The following WDR48 variants were observed in gnomAD, a reference collection of about 807,000 sequenced individuals.
WDR48 encodes the protein WD repeat domain 48, also known as WD repeat-containing protein 48.
WDR48 carries 22 observed loss-of-function variants against 94.0 expected under a neutral mutation model. The observed-to-expected ratio is 0.23, with a 90% CI of 0.17 to 0.33. The LOEUF is 0.33. Among genes scored for constraint, WDR48 ranks in the 10% least tolerant of loss-of-function variants. The pLI is 1.00. For missense variants in WDR48, 541 were observed against 813.8 expected, an observed-to-expected ratio of 0.66 and a Z score of 4.08; for synonymous variants, 278 against 280.5, an observed-to-expected ratio of 0.99 and a Z score of 0.09.
At chr3:39,076,875 A>G (rs977995607) in intron 8 of WDR48, among the ~76,000 whole-genome samples, 2 of 152,246 alleles carry the variant, frequency 1.3e-5, no homozygotes, top group Non-Finnish European at 2.9e-5. Context: ...TATCCATTCA[A>G]GTACCTCAAA....
At chr3:39,085,015 CAG>C (rs1334126311) in intron 13 of WDR48, among the ~76,000 whole-genome samples, 1 of 152,138 alleles carries the variant, frequency 6.6e-6, no homozygotes, top group African/African-American at 2.4e-5. Flanking sequence ...ATCACGAGGT[CAG>C]GGGATCGAGA....
intron 1 of WDR48, among the ~76,000 whole-genome samples, chr3:39,056,146 T>G (rs886226862): frequency 1.3e-5 from 2 of 152,248 alleles, no homozygotes; most frequent in African/African-American, 4.8e-5. Flanking sequence ...CCACATAGAA[T>G]GGATGTACCA....
At chr3:39,088,999 G>A (rs2034953833) in intron 15 of WDR48, among the ~76,000 whole-genome samples, 1 of 152,184 alleles carries the variant, frequency 6.6e-6, no homozygotes, top group Non-Finnish European at 1.5e-5. Flanking sequence ...AGGACTCCAA[G>A]AAGCAGCTGT....
chr3:39,074,659 C>A, intron 7 of WDR48, 67 bp from the exon 8 acceptor site: 1 of 1,524,000 alleles, frequency 6.6e-7, no homozygotes, highest in Non-Finnish European at 9.0e-7. Flanking sequence ...CGGGAGAAGT[C>A]AAGTGCAAAG....
intron 1 of WDR48, among the ~76,000 whole-genome samples, chr3:39,059,646 T>A (rs763247399): frequency 6.6e-6 from 1 of 151,976 alleles, no homozygotes; most frequent in East Asian, 1.9e-4. Context: ...CAGTTACAGT[T>A]AATTGCATCC....
rs1427631836 is a variant in WDR48 at position 39,096,637 on chromosome 3, G to C, written c.*1894G>C. 1 of 152,150 alleles carries C rather than the reference G, an allele frequency of 6.6e-6. No homozygotes were observed. The highest frequency in any genetic ancestry group is 1.5e-5 in the Non-Finnish European group (1 of 68,032). 9.4% of individuals were successfully genotyped at this position (152,150 alleles called of 1,614,324 possible). The stretch of plus-strand genomic sequence containing the variant: ...GGGTAAAAATCTGTATTTCACAGTT[G>C]TATAGAATAAAGGCTTTAGTTAAAA... On this transcript the variant is annotated 3_prime_UTR_variant, in exon 19 of 19. Coordinates refer to ENST00000302313, the MANE Select transcript of WDR48 (RefSeq NM_020839.4).
chr3:39,077,719 A>T (rs542385385), intron 9 of WDR48, among the ~76,000 whole-genome samples: 1 of 152,360 alleles, frequency 6.6e-6, no homozygotes, highest in African/African-American at 2.4e-5. Flanking sequence ...ATCTTAATTT[A>T]AAAAGACTTA....
intron 1 of WDR48, among the ~76,000 whole-genome samples, chr3:39,058,865 A>G (rs896829412): frequency 6.6e-6 from 1 of 151,496 alleles, no homozygotes; most frequent in African/African-American, 2.4e-5. Flanking sequence ...TCAGAAGGTC[A>G]GGAGTTTAAG....
In WDR48 at chr3:39,079,730, G is replaced by A. The variant is rs1435838653; in HGVS notation, c.1095G>A (p.Gln365=). The A allele has an allele frequency of 1.3e-6, 2 of 1,555,026 alleles. No individual in the cohort carries two copies. Among genetic ancestry groups the A allele is most frequent in the South Asian group, 1.2e-5 (1 of 80,328 alleles). Residue 365 remains glutamine (Q), a synonymous_variant, in exon 11 of 19, where the codon CAG becomes CAA. Coordinates refer to ENST00000302313, the MANE Select transcript of WDR48 (RefSeq NM_020839.4). ...QVIKGGASII[Q]CHILNDKRHI... ...CATTAGGGGGTGCTAGTATTATTCA[G>A]TGCCACATTCTTAATGATAAGAGAC...
intron 12 of WDR48, 85 bp from the exon 13 acceptor site, chr3:39,084,560 C>A: frequency 8.1e-7 from 1 of 1,233,630 alleles, no homozygotes; most frequent in Non-Finnish European, 1.1e-6. Context: ...GCACTTTAGT[C>A]AAATAGTACA....
rs750428041 is a variant in WDR48, at chr3:39,084,122, A to G, written c.1174-33A>G. ...CAGAATCAAGTGAATTCACCACTTA[A>G]TATTGATCATTATACTTTCTTTTGA... On this transcript the variant is annotated intron_variant, in intron 11 of 18. Coordinates refer to ENST00000302313, the MANE Select transcript of WDR48 (RefSeq NM_020839.4). The G allele has an allele frequency of 9.9e-5, 120 of 1,216,910 alleles. 1 individual carries two copies. The highest frequency in any genetic ancestry group is 1.2e-4 in the Non-Finnish European group (109 of 898,150). The allele number at this position is 1,216,910 out of a possible 1,614,324, so 75.4% of individuals were successfully genotyped here. A position where few individuals can be genotyped will look rare whatever the true frequency, so the allele number is the denominator to read the frequency against.
intron 5 of WDR48, 45 bp from the exon 6 acceptor site, chr3:39,068,726 C>G: frequency 6.9e-7 from 1 of 1,459,360 alleles, no homozygotes; most frequent in Non-Finnish European, 9.5e-7. Context: ...AGTTACTAAA[C>G]AGCTGATGAT....
At chr3:39,071,328 C>T (rs2033924455) in intron 7 of WDR48, among the ~76,000 whole-genome samples, 1 of 152,220 alleles carries the variant, frequency 6.6e-6, no homozygotes, top group African/African-American at 2.4e-5. Context: ...CTCATTTTCA[C>T]ATGACTGTAA....
intron 7 of WDR48, among the ~76,000 whole-genome samples, chr3:39,072,495 TTG>T (rs1221687405): frequency 6.6e-6 from 1 of 152,134 alleles, no homozygotes; most frequent in Non-Finnish European, 1.5e-5. Context: ...GCACTTGAGA[TTG>T]TGTGTTAGTG....
chr3:39,059,002 G>T (rs1487989690), intron 1 of WDR48, among the ~76,000 whole-genome samples: 3 of 150,098 alleles, frequency 2.0e-5, no homozygotes, highest in Non-Finnish European at 4.4e-5. Context: ...TTGAACCTGG[G>T]CAGCAGAGGT....
intron 4 of WDR48, 41 bp downstream of exon 4, chr3:39,066,671 G>T (rs1559604256): frequency 6.2e-7 from 1 of 1,612,748 alleles, no homozygotes; most frequent in African/African-American, 1.3e-5. Flanking sequence ...TGTAATATTG[G>T]GATCTCAGTA....
chr3:39,060,429 TATATATATGCAC>T (rs1311096753), intron 1 of WDR48, among the ~76,000 whole-genome samples: 3 of 148,894 alleles, frequency 2.0e-5, no homozygotes, highest in Non-Finnish European at 4.5e-5. Context: ...CATATATATA[TATATATATGCAC>T]ACACACACAT....
chr3:39,084,362 GAAA>G, intron 12 of WDR48, 100 bp downstream of exon 12: 1 of 753,826 alleles, frequency 1.3e-6, no homozygotes, highest in Non-Finnish European at 1.8e-6. Flanking sequence ...TTTTAGGTGT[GAAA>G]AAAAAAATTT....
chr3:39,084,393 G>T (rs2034700728), intron 12 of WDR48, 131 bp downstream of exon 12: 1 of 632,238 alleles, frequency 1.6e-6, no homozygotes, highest in East Asian at 3.4e-5. Context: ...AACTTAAAAT[G>T]CAAAATGGAA....
Sources: gnomAD v4.1 joint callset for allele counts (sites outside exome capture counted in the v4.1 genomes callset) on GRCh38, gnomAD v4.1.1 for gene constraint, MANE v1.5 for transcripts, NCBI Gene and HGNC (gene_info 2026-07-23, HGNC 2026-07-21) for gene names.